Variants in EGFLAM observed in about 807,000 individuals in gnomAD.
EGFLAM encodes the protein pikachurin.
EGFLAM carries 79 observed loss-of-function variants against 113.1 expected under a neutral mutation model. That is an observed-to-expected ratio of 0.70 (90% CI 0.58 to 0.84). The LOEUF (loss-of-function observed/expected upper bound fraction) is 0.84, where lower values mean the gene tolerates loss of function less well. EGFLAM is among the 40% of genes least tolerant of loss of function. EGFLAM has a pLI of 0.00. For synonymous variants in EGFLAM, 504 were observed against 487.6 expected (o/e 1.03, Z -0.44); for missense variants, 1,265 against 1,291.6 (o/e 0.98, Z 0.32).
intron 19 of EGFLAM, 70 bp downstream of exon 19, chr5:38,451,528 T>C: frequency 6.4e-7 from 1 of 1,562,292 alleles, no homozygotes; most frequent in Non-Finnish European, 8.7e-7. Context: ...CATGCCAGAG[T>C]GATTCAGAAG....
intron 1 of EGFLAM, among the ~76,000 whole-genome samples, chr5:38,335,312 C>T (rs999669706): frequency 4.6e-5 from 7 of 152,200 alleles, no homozygotes; most frequent in East Asian, 1.9e-4. Context: ...TTTTTACCAG[C>T]GATATTTTGA....
intron 18 of EGFLAM, 38 bp from the exon 19 acceptor site, chr5:38,451,277 T>C: frequency 6.3e-7 from 1 of 1,598,730 alleles, no homozygotes; most frequent in Admixed American, 1.7e-5. Context: ...CAGATGTTGG[T>C]GGTTGATTTG....
chr5:38,360,479 A>G (rs1461644970), intron 5 of EGFLAM, among the ~76,000 whole-genome samples: 1 of 152,178 alleles, frequency 6.6e-6, no homozygotes, highest in Non-Finnish European at 1.5e-5. Flanking sequence ...CTCGTCTAGT[A>G]TCAAGACGTA....
At chr5:38,371,997 T>C (rs552794551) in intron 6 of EGFLAM, among the ~76,000 whole-genome samples, 5 of 152,246 alleles carry the variant, frequency 3.3e-5, no homozygotes, top group African/African-American at 1.2e-4. Context: ...CTCACCTCTT[T>C]CAGTCTGTCC....
At position 38,341,208 on chromosome 5, in the gene EGFLAM, G is replaced by A. The variant is rs750468366; in HGVS notation, c.291+2427G>A. 2.6e-5 allele frequency among the ~76,000 whole-genome samples: 4 copies of A among 152,234 alleles called. No individual in the cohort carries two copies. In the East Asian group the frequency reaches 5.8e-4, roughly 22 times the overall value. ...AACTACTGTATTAGTCCGTTCTCAC[G>A]CTGCTAATAAAGGCATACTTGGCAC... On this transcript the variant is annotated intron_variant, in intron 3 of 21. Coordinates refer to ENST00000322350, the MANE Select transcript of EGFLAM (RefSeq NM_152403.4).
intron 8 of EGFLAM, 76 bp from the exon 9 acceptor site, chr5:38,407,729 A>C (rs1741337263): frequency 5.6e-6 from 6 of 1,080,346 alleles, no homozygotes; most frequent in Non-Finnish European, 8.4e-6. Context: ...ATATTCAGGC[A>C]ACGTTGTATA....
chr5:38,360,162 G>C (rs982580857), intron 5 of EGFLAM, among the ~76,000 whole-genome samples: 1 of 152,138 alleles, frequency 6.6e-6, no homozygotes, highest in Non-Finnish European at 1.5e-5. Context: ...ATCAAGTCTG[G>C]GATTCAGAAT....
At chr5:38,459,601 T>A (rs893640082) in intron 20 of EGFLAM, among the ~76,000 whole-genome samples, 3 of 152,044 alleles carry the variant, frequency 2.0e-5, no homozygotes, top group African/African-American at 4.8e-5. Flanking sequence ...CTGGTTGGGG[T>A]TCCCTGAGAA....
chr5:38,308,642 T>C (rs1758790504), intron 1 of EGFLAM, among the ~76,000 whole-genome samples: 3 of 152,032 alleles, frequency 2.0e-5, no homozygotes, highest in African/African-American at 4.8e-5. Context: ...AACTCAGAAC[T>C]AGAATAGATG....
intron 1 of EGFLAM, among the ~76,000 whole-genome samples, chr5:38,286,586 A>C (rs1245070002): frequency 6.6e-6 from 1 of 152,172 alleles, no homozygotes; most frequent in Admixed American, 6.5e-5. Flanking sequence ...TCCTGCCAGG[A>C]ATGAGGTTTT....
intron 1 of EGFLAM, among the ~76,000 whole-genome samples, chr5:38,294,491 A>G (rs192089234): frequency 2.0e-5 from 3 of 152,228 alleles, no homozygotes; most frequent in Admixed American, 1.3e-4. Flanking sequence ...AATCTAACCT[A>G]CCCCTATAGC....
At chr5:38,452,231 C>T (rs1742942981) in intron 19 of EGFLAM, among the ~76,000 whole-genome samples, 1 of 151,874 alleles carries the variant, frequency 6.6e-6, no homozygotes, top group South Asian at 2.1e-4. Flanking sequence ...CGGGGTTTCA[C>T]CATGTTGGCC....
intron 5 of EGFLAM, among the ~76,000 whole-genome samples, chr5:38,359,808 G>C (rs1358332501): frequency 6.6e-6 from 1 of 152,206 alleles, no homozygotes; most frequent in Non-Finnish European, 1.5e-5. Flanking sequence ...ATATTAATAA[G>C]TGAGAAGGAG....
At chr5:38,461,550 T>C (rs1453613930) in intron 20 of EGFLAM, among the ~76,000 whole-genome samples, 2 of 152,064 alleles carry the variant, frequency 1.3e-5, no homozygotes, top group Non-Finnish European at 2.9e-5. Context: ...CAAGGCAAGC[T>C]GTTGCGGGTT....
At chr5:38,412,386 G>A in intron 10 of EGFLAM, 118 bp from the exon 11 acceptor site, 1 of 1,460,056 alleles carries the variant, frequency 6.8e-7, no homozygotes, top group South Asian at 1.2e-5. Flanking sequence ...TCATAAACAT[G>A]ACTCTGAACA....
At chr5:38,451,656 C>T (rs905488473) in intron 19 of EGFLAM, 198 bp downstream of exon 19, 1 of 733,176 alleles carries the variant, frequency 1.4e-6, no homozygotes, top group Non-Finnish European at 2.1e-6. Flanking sequence ...CAAACTATGG[C>T]CTGCAGGCCA....
chr5:38,393,351 CT>C (rs1740865910), intron 6 of EGFLAM, among the ~76,000 whole-genome samples: 1 of 152,084 alleles, frequency 6.6e-6, no homozygotes, highest in African/African-American at 2.4e-5. Flanking sequence ...ATCTATTACC[CT>C]CCTCTCAAAC....
intron 18 of EGFLAM, among the ~76,000 whole-genome samples, chr5:38,449,948 C>CA (rs1328708493): frequency 6.6e-6 from 1 of 152,188 alleles, no homozygotes; most frequent in Non-Finnish European, 1.5e-5. Context: ...CTGTCCTCAG[C>CA]GTCTTCTCCA....
intron 20 of EGFLAM, among the ~76,000 whole-genome samples, chr5:38,458,942 C>T (rs950149719): frequency 1.3e-5 from 2 of 151,516 alleles, no homozygotes; most frequent in African/African-American, 4.9e-5. Flanking sequence ...CATTGCACTC[C>T]AGCCTGGGTG....
Sources: allele counts gnomAD v4.1 joint callset (sites outside exome capture counted in the v4.1 genomes callset), GRCh38; gene constraint gnomAD v4.1.1; transcripts MANE v1.5; gene names NCBI Gene and HGNC (gene_info 2026-07-23, HGNC 2026-07-21).